TRAF3: variants seen among roughly 807,000 people sequenced by gnomAD.
TRAF3 encodes the protein TNF receptor-associated factor 3.
A neutral mutation model predicts 62.3 loss-of-function variants in TRAF3; 13 were observed. The ratio of observed to expected loss-of-function variants is 0.21; its 90% CI spans 0.14 to 0.33. The LOEUF is 0.33. Among genes scored for constraint, TRAF3 ranks in the 10% least tolerant of loss-of-function variants. The pLI, the probability that TRAF3 is intolerant of heterozygous loss-of-function variation, is 1.00. For synonymous variants in TRAF3, 269 were observed against 283.4 expected, an observed-to-expected ratio of 0.95 and a Z score of 0.51; for missense variants, 440 against 741.8, an observed-to-expected ratio of 0.59 and a Z score of 4.73.
Position 102,903,084 on chromosome 14 carries a change from C to G in TRAF3, c.961-171C>G, listed in dbSNP as rs901338006. On this transcript the variant is annotated intron_variant, in intron 10 of 11. Transcript: ENST00000392745. This position sits in a 1 kb window ranked among gnomAD's most constrained non-coding sequence, Gnocchi z 6.4. ...ACAAGCACTTGATCCCAGGGAGCTC[C>G]CAGGAGGCCTGATGCAGAGCCCCAC... The G allele has an allele frequency of 2.3e-6, 2 of 859,708 alleles. No individual in the cohort carries two copies. The highest frequency in any genetic ancestry group is 3.3e-5 in the African/African-American group (2 of 60,060). The allele number at this position is 859,708 out of a possible 1,614,324, so 53.3% of individuals were successfully genotyped here.
chr14:102,898,114 G>A (rs1016163658), intron 10 of TRAF3, among the ~76,000 whole-genome samples: 3 of 152,186 alleles, frequency 2.0e-5, no homozygotes, highest in East Asian at 1.9e-4. Context: ...GAACTTAGAC[G>A]GTGTGTCCCT....
chr14:102,905,824 T>G lies in TRAF3; in HGVS notation c.*40T>G, dbSNP rs758678579. On this transcript the variant is annotated 3_prime_UTR_variant, in exon 12 of 12. Coordinates refer to ENST00000392745, the MANE Select transcript of TRAF3 (RefSeq NM_145725.3). ...GGTGGATTTAGCAGAAGGCAACTCC[T>G]CTGGGGGATTTGAACCGGTCTGTCT... 3.2e-6 allele frequency: 5 copies of G among 1,564,872 alleles called. No individual in the cohort carries two copies. In the Admixed American group the frequency reaches 6.8e-5, roughly 21 times the overall value.
At chr14:102,863,754 G>A (rs959231876) in intron 2 of TRAF3, among the ~76,000 whole-genome samples, 3 of 152,228 alleles carry the variant, frequency 2.0e-5, no homozygotes, top group South Asian at 2.1e-4. Flanking sequence ...GCTTCAGGCA[G>A]CAGCAAATAT....
At chr14:102,815,665 C>T (rs1395450063) in intron 1 of TRAF3, among the ~76,000 whole-genome samples, 1 of 152,166 alleles carries the variant, frequency 6.6e-6, no homozygotes, top group African/African-American at 2.4e-5. Context: ...TCTCATACTG[C>T]TATAAAGAAA....
intron 9 of TRAF3, among the ~76,000 whole-genome samples, chr14:102,891,747 A>C (rs1889728293): frequency 1.3e-5 from 2 of 151,990 alleles, no homozygotes; most frequent in Non-Finnish European, 2.9e-5. Flanking sequence ...GAAGACAGCC[A>C]TCCTTACTCA....
Position 102,905,619 on chromosome 14 carries a change from C to T in TRAF3, c.1542C>T (p.Pro514=), listed in dbSNP as rs374255469. 13 of 1,614,038 alleles carry T rather than the reference C, an allele frequency of 8.1e-6. No individual in the cohort carries two copies. In the Admixed American group the frequency reaches 8.3e-5, roughly 10 times the overall value. ...GTCATTTGGGAGATGCATTCAAGCCCGACCCCAACAGCAGCAGCTTCAAGA... is the reference window on the plus strand; with the variant it reads ...GTCATTTGGGAGATGCATTCAAGCCTGACCCCAACAGCAGCAGCTTCAAGA... ...SRRHLGDAFK[P]DPNSSSFKKP... Residue 514 remains proline (P), a synonymous_variant, in exon 12 of 12, where the codon CCC becomes CCT. Transcript: ENST00000392745.
At chr14:102,832,888 A>G (rs1392525788) in intron 2 of TRAF3, among the ~76,000 whole-genome samples, 1 of 152,214 alleles carries the variant, frequency 6.6e-6, no homozygotes, top group Non-Finnish European at 1.5e-5. Context: ...CTACTTCTTA[A>G]GCATTTGATT....
In TRAF3 at chr14:102,903,811, G is replaced by A. The variant is rs1238928051; in HGVS notation, c.1135+382G>A. 4.2e-6 allele frequency: 2 copies of A among 476,980 alleles called. No individual in the cohort carries two copies. The highest frequency in any genetic ancestry group is 3.1e-5 in the South Asian group (2 of 64,724). 29.5% of individuals were successfully genotyped at this position (476,980 alleles called of 1,614,324 possible). A position where few individuals can be genotyped will look rare whatever the true frequency, so the allele number is the denominator to read the frequency against. On this transcript the variant is annotated intron_variant, in intron 11 of 11. Coordinates refer to ENST00000392745, the MANE Select transcript of TRAF3 (RefSeq NM_145725.3). The surrounding 1 kb of genome is among the most constrained non-coding windows in gnomAD (Gnocchi z 6.4). Reference sequence around the variant, plus strand: ...CCAGACCCCACTCCTAAGGGCCAGGGGGCAGCAGTCCCACCGCGCTCTGCC... The same window carrying A: ...CCAGACCCCACTCCTAAGGGCCAGGAGGCAGCAGTCCCACCGCGCTCTGCC...
chr14:102,862,022 A>G (rs1432213079), intron 2 of TRAF3, among the ~76,000 whole-genome samples: 1 of 152,140 alleles, frequency 6.6e-6, no homozygotes, highest in African/African-American at 2.4e-5. Context: ...TGATAATCTC[A>G]TTTGGTGCTC....
Position 102,905,890 on chromosome 14 carries a change from G to C in TRAF3, c.*106G>C. On this transcript the variant is annotated 3_prime_UTR_variant, in exon 12 of 12. Coordinates refer to ENST00000392745, the MANE Select transcript of TRAF3 (RefSeq NM_145725.3). ...CGCTCAGAAAAGGACCTTGTGAGAC[G>C]GAGGAAGCGGCAGAAGGCGGACGCG... 9.2e-7 allele frequency: 1 copy of C among 1,084,596 alleles called. No individual in the cohort carries two copies. The highest frequency in any genetic ancestry group is 1.3e-6 in the Non-Finnish European group (1 of 754,684). The allele number at this position is 1,084,596 out of a possible 1,614,324, so 67.2% of individuals were successfully genotyped here.
chr14:102,778,883 C>A (rs900474698), intron 1 of TRAF3, among the ~76,000 whole-genome samples: 1 of 152,190 alleles, frequency 6.6e-6, no homozygotes, highest in African/African-American at 2.4e-5. Flanking sequence ...TGAAAATGGC[C>A]TGTGAACAGA....
chr14:102,785,028 A>G (rs1254321984), intron 1 of TRAF3, among the ~76,000 whole-genome samples: 1 of 152,192 alleles, frequency 6.6e-6, no homozygotes, highest in Non-Finnish European at 1.5e-5. Context: ...GATGAGGAAA[A>G]GGAAGAGCAA....
At chr14:102,899,902 G>A (rs1407407118) in intron 10 of TRAF3, among the ~76,000 whole-genome samples, 1 of 152,142 alleles carries the variant, frequency 6.6e-6, no homozygotes, top group Non-Finnish European at 1.5e-5. Context: ...CAGCCAGGCC[G>A]GATGCAGTGG....
chr14:102,807,331 G>T (rs1159788168), intron 1 of TRAF3, among the ~76,000 whole-genome samples: 1 of 152,184 alleles, frequency 6.6e-6, no homozygotes, highest in Non-Finnish European at 1.5e-5. Context: ...CCTGCCTGCT[G>T]CCTTGTCCTC....
chr14:102,804,972 T>G (rs1766252036), intron 1 of TRAF3, among the ~76,000 whole-genome samples: 1 of 152,216 alleles, frequency 6.6e-6, no homozygotes, highest in Non-Finnish European at 1.5e-5. Context: ...CACCATATTT[T>G]GAGGAACACA....
intron 2 of TRAF3, among the ~76,000 whole-genome samples, chr14:102,843,557 C>T (rs185213950): frequency 6.6e-6 from 1 of 152,216 alleles, no homozygotes; most frequent in Admixed American, 6.5e-5. Context: ...AGGCTGGTCT[C>T]GAACTCCTGA....
chr14:102,827,174 A>C (rs907987098), intron 1 of TRAF3, among the ~76,000 whole-genome samples: 1 of 152,152 alleles, frequency 6.6e-6, no homozygotes, highest in Non-Finnish European at 1.5e-5. Flanking sequence ...TTTCTCACAG[A>C]ACCTTGTCCT....
At chr14:102,779,685 A>G (rs1897192155) in intron 1 of TRAF3, among the ~76,000 whole-genome samples, 1 of 152,220 alleles carries the variant, frequency 6.6e-6, no homozygotes, top group Admixed American at 6.5e-5. Context: ...CTCCCTTAAA[A>G]TCCTTTTTTA....
intron 10 of TRAF3, among the ~76,000 whole-genome samples, chr14:102,900,914 T>C (rs995403387): frequency 6.6e-6 from 1 of 152,368 alleles, no homozygotes; most frequent in Non-Finnish European, 1.5e-5. Context: ...TTGAGATTTA[T>C]TTTTTATAGA....
Sources: allele counts gnomAD v4.1 joint callset (sites outside exome capture counted in the v4.1 genomes callset), GRCh38; gene constraint gnomAD v4.1.1; non-coding constraint Gnocchi (gnomAD v3.1); transcripts MANE v1.5; gene names NCBI Gene and HGNC (gene_info 2026-07-23, HGNC 2026-07-21).